The following TNRC6C variants were observed in gnomAD, a reference collection of about 807,000 sequenced individuals.
TNRC6C encodes trinucleotide repeat containing adaptor 6C.
Under a neutral mutation model 153.7 loss-of-function variants are expected in TNRC6C, and 20 were observed. That is an observed-to-expected ratio of 0.13 (90% CI 0.09 to 0.19). TNRC6C has a LOEUF of 0.19. Among genes scored for constraint, TNRC6C ranks in the 10% least tolerant of loss-of-function variants. The pLI is 1.00. For synonymous variants in TNRC6C, 811 were observed against 841.4 expected (o/e 0.96, Z 0.63); for missense variants, 1,987 against 2,172.0 (o/e 0.91, Z 1.69).
intron 1 of TNRC6C, among the ~76,000 whole-genome samples, chr17:78,013,069 C>T (rs1057432221): frequency 6.6e-6 from 1 of 152,102 alleles, no homozygotes; most frequent in African/African-American, 2.4e-5. Context: ...TAAACCCGTC[C>T]ATCAGGTCAT....
intron 1 of TNRC6C, among the ~76,000 whole-genome samples, chr17:78,006,499 TTCTTCTTCTTCTTCTTC>T (rs1178124232): frequency 3.9e-4 from 5 of 12,940 alleles, no homozygotes; most frequent in African/African-American, 1.4e-3. Context: ...TTCTTTCTTC[TTCTTCTTCTTCTTCTTC>T]TTCTTCTTCT....
At chr17:77,997,947 C>T (rs755776779) in intron 1 of TNRC6C, among the ~76,000 whole-genome samples, 1 of 152,196 alleles carries the variant, frequency 6.6e-6, no homozygotes, top group Non-Finnish European at 1.5e-5. Flanking sequence ...AGCCACTGCG[C>T]CTGGCCGACA....
chr17:78,065,031 A>G lies in TNRC6C; in HGVS notation c.2611+94A>G, dbSNP rs975598828. 5 of 1,371,340 alleles carry G rather than the reference A, an allele frequency of 3.6e-6. No homozygotes were observed. The African/African-American group carries it at 5.9e-5, about 16-fold the overall frequency. 84.9% of individuals were successfully genotyped at this position (1,371,340 alleles called of 1,614,324 possible). ...ATTAGAGTTTTAGGATACTTTCCTCATTATATTTACACTTTAACTACAAAC... is the reference window on the plus strand; with the variant it reads ...ATTAGAGTTTTAGGATACTTTCCTCGTTATATTTACACTTTAACTACAAAC... On this transcript the variant is annotated intron_variant, in intron 4 of 19. Coordinates refer to ENST00000301624, the Ensembl canonical transcript of TNRC6C.
At chr17:78,035,928 C>CT (rs1195119970) in intron 2 of TNRC6C, among the ~76,000 whole-genome samples, 18 of 152,216 alleles carry the variant, frequency 1.2e-4, no homozygotes, top group East Asian at 3.9e-4. Context: ...GTACTTTAAT[C>CT]TGTCACTTTA....
chr17:77,999,550 C>A (rs983204195), upstream of TNRC6C, among the ~76,000 whole-genome samples: 1 of 152,166 alleles, frequency 6.6e-6, no homozygotes, highest in Non-Finnish European at 1.5e-5. Flanking sequence ...TTGCCCAGAC[C>A]CAGAAGGCCT....
chr17:78,097,463 T>G (rs1033501683), intron 16 of TNRC6C, among the ~76,000 whole-genome samples: 4 of 152,204 alleles, frequency 2.6e-5, no homozygotes, highest in Admixed American at 6.5e-5. Flanking sequence ...CATGGTATTT[T>G]AAGCATTCTG....
chr17:78,086,472 A>G, intron 11 of TNRC6C, 31 bp from the exon 14 acceptor site: 1 of 1,594,298 alleles, frequency 6.3e-7, no homozygotes, highest in Non-Finnish European at 8.6e-7. Flanking sequence ...CTTAATTATC[A>G]TACTATTTTA....
rs765326567 is a variant in TNRC6C at position 78,087,026 on chromosome 17, C to T, written c.3735C>T (p.Pro1245=). 180 of 1,613,868 alleles carry T rather than the reference C, an allele frequency of 1.1e-4. No homozygotes were observed. The South Asian group carries it at 1.6e-3, about 14-fold the overall frequency. ...GCTTCCCCTCGCACCCACAGACTCC[C>T]GGCCTACCTGACCTGCAGACCAAAG... The change falls in exon 13 of 20, where the codon CCC becomes CCT. Residue 1245 remains proline (P), a synonymous_variant. Coordinates refer to ENST00000301624, the Ensembl canonical transcript of TNRC6C.
At chr17:77,966,218 G>A (rs532906771) in intron 1 of TNRC6C, among the ~76,000 whole-genome samples, 2 of 152,320 alleles carry the variant, frequency 1.3e-5, no homozygotes, top group South Asian at 4.1e-4. Context: ...GAGGTTCTGT[G>A]TTGGCAATAA....
chr17:77,963,354 T>C (rs1360458845), intron 1 of TNRC6C, among the ~76,000 whole-genome samples: 3 of 152,334 alleles, frequency 2.0e-5, no homozygotes, highest in African/African-American at 7.2e-5. Context: ...GCATTTGAAA[T>C]GTTAATTTAT....
At chr17:78,071,050 T>C in intron 5 of TNRC6C, 35 bp from the exon 8 acceptor site, 1 of 1,564,384 alleles carries the variant, frequency 6.4e-7, no homozygotes, top group East Asian at 2.3e-5. Flanking sequence ...AAAATGTAGC[T>C]CATGGACTTC....
chr17:78,095,499 G>A (rs1337850062), intron 16 of TNRC6C, among the ~76,000 whole-genome samples: 1 of 152,202 alleles, frequency 6.6e-6, no homozygotes, highest in Non-Finnish European at 1.5e-5. Flanking sequence ...AGTGAACATC[G>A]TTTGACTTCC....
upstream of TNRC6C, among the ~76,000 whole-genome samples, chr17:78,004,722 G>T (rs1431961021): frequency 6.6e-6 from 1 of 152,018 alleles, no homozygotes; most frequent in South Asian, 2.1e-4. Context: ...GAATTTTATG[G>T]CATTTAAAAT....
At position 78,049,718 on chromosome 17, in the gene TNRC6C, C is replaced by T. The variant is rs757797520; in HGVS notation, c.656C>T (p.Pro219Leu). Residue 219 changes from proline (P) to leucine (L), a missense_variant, in exon 3 of 20, where the codon CCG becomes CTG. Pro to Leu is a moderately conservative substitution (Grantham distance 98). Coordinates refer to ENST00000301624, the Ensembl canonical transcript of TNRC6C. The surrounding 1 kb of genome is among the most constrained non-coding windows in gnomAD (Gnocchi z 4.1). ...GCTGTTGGTATGGGGGCCATCATCC[C>T]GCCCCACCTGCAAGGCCTTCCTGGT... 2.3e-5 allele frequency: 37 copies of T among 1,598,148 alleles called. No homozygotes were observed. Among genetic ancestry groups the T allele is most frequent in the East Asian group, 1.3e-4 (6 of 44,724 alleles).
chr17:77,962,472 A>C (rs1259282034), intron 1 of TNRC6C, among the ~76,000 whole-genome samples: 1 of 152,174 alleles, frequency 6.6e-6, no homozygotes, highest in African/African-American at 2.4e-5. Context: ...AGATTTGGGG[A>C]TAGAGCAAGC....
intron 17 of TNRC6C, among the ~76,000 whole-genome samples, chr17:78,102,200 C>G (rs1406145628): frequency 6.6e-6 from 1 of 152,178 alleles, no homozygotes; most frequent in Non-Finnish European, 1.5e-5. Flanking sequence ...ACCCCCGTCT[C>G]TCCTGGCACA....
At chr17:78,081,451 A>G (rs2073178547) in intron 10 of TNRC6C, among the ~76,000 whole-genome samples, 1 of 152,098 alleles carries the variant, frequency 6.6e-6, no homozygotes, top group Non-Finnish European at 1.5e-5. Context: ...ACATGTAACT[A>G]TTATCAGGCA....
At chr17:78,077,970 C>G (rs1410843755) in intron 9 of TNRC6C, among the ~76,000 whole-genome samples, 1 of 152,204 alleles carries the variant, frequency 6.6e-6, no homozygotes, top group Non-Finnish European at 1.5e-5. Flanking sequence ...TTTCCCATCC[C>G]TAGGACATCC....
intron 3 of TNRC6C, among the ~76,000 whole-genome samples, chr17:78,054,877 G>A (rs1329888438): frequency 6.6e-6 from 1 of 151,886 alleles, no homozygotes; most frequent in East Asian, 1.9e-4. Context: ...CACCACTGCA[G>A]ACTACTGTAC....
Sources: gnomAD v4.1 joint callset for allele counts (sites outside exome capture counted in the v4.1 genomes callset) on GRCh38, gnomAD v4.1.1 for gene constraint, Gnocchi (gnomAD v3.1) non-coding constraint, MANE v1.5 for transcripts, NCBI Gene and HGNC (gene_info 2026-07-23, HGNC 2026-07-21) for gene names.